The following TMA16 variants were observed in gnomAD, a reference collection of about 807,000 sequenced individuals.
TMA16 encodes translation machinery-associated protein 16.
Under a neutral mutation model 27.1 loss-of-function variants are expected in TMA16, and 26 were observed. The ratio of observed to expected loss-of-function variants is 0.96; its 90% confidence interval spans 0.70 to 1.33. TMA16 has a LOEUF of 1.33. Among genes scored for constraint, TMA16 ranks in the 40% most tolerant of loss-of-function variants. The pLI is 0.00. For synonymous variants in TMA16, 71 were observed against 81.9 expected, an observed-to-expected ratio of 0.87 and a Z score of 0.72; for missense variants, 233 against 241.4, an observed-to-expected ratio of 0.97 and a Z score of 0.23.
chr4:163,500,383 G>A (rs1702738965), intron 1 of TMA16, among the ~76,000 whole-genome samples: 1 of 151,914 alleles, frequency 6.6e-6, no homozygotes, highest in South Asian at 2.1e-4. Context: ...GCTAATTTTT[G>A]TATTTTTAGT....
At chr4:163,519,309 C>T (rs1737930909) in intron 6 of TMA16, 25 bp from the exon 7 acceptor site, 3 of 1,211,478 alleles carry the variant, frequency 2.5e-6, no homozygotes, top group South Asian at 1.6e-5. Flanking sequence ...ACTCTGCACT[C>T]TTTTTTTTTT....
At chr4:163,519,246 CAG>C (rs1257346698) in intron 6 of TMA16, 86 bp from the exon 7 acceptor site, 3 of 1,247,534 alleles carry the variant, frequency 2.4e-6, no homozygotes, top group Middle Eastern at 2.7e-4. Context: ...GTAGGATCCT[CAG>C]AGTTTCGAAA....
intron 2 of TMA16, among the ~76,000 whole-genome samples, chr4:163,508,465 T>C (rs1409138425): frequency 6.6e-6 from 1 of 152,192 alleles, no homozygotes; most frequent in Non-Finnish European, 1.5e-5. Flanking sequence ...ATTTTTTCTC[T>C]CTTAAAATCA....
intron 1 of TMA16, 127 bp downstream of exon 1, chr4:163,494,931 A>G: frequency 7.1e-7 from 1 of 1,400,416 alleles, no homozygotes; most frequent in Non-Finnish European, 9.9e-7. Context: ...GTTTATTTTC[A>G]GGGAGTGTGC....
intron 1 of TMA16, among the ~76,000 whole-genome samples, chr4:163,502,633 G>A (rs548918362): frequency 3.2e-4 from 48 of 152,230 alleles, no homozygotes; most frequent in East Asian, 2.3e-3. Context: ...AGTGGTCTTC[G>A]AAGATTGGGT....
At chr4:163,504,481 G>A (rs998013454) in intron 1 of TMA16, among the ~76,000 whole-genome samples, 19 of 151,982 alleles carry the variant, frequency 1.3e-4, no homozygotes, top group African/African-American at 4.3e-4. Context: ...GCACAGCTGC[G>A]GAGAGTCTAC....
rs113693545 is a variant in TMA16, at chr4:163,511,659, TAA to T, written c.117-1148_117-1147del. Reference sequence around the variant, plus strand: ...GACTCTGTCTCTACAAAAATAAAAGTAAAAAAAAAAAAAAAAGTAGCCAGGCA... The same window carrying T: ...GACTCTGTCTCTACAAAAATAAAAGTAAAAAAAAAAAAAAGTAGCCAGGCA... On this transcript the variant is annotated intron_variant, in intron 2 of 6. Coordinates refer to ENST00000358572, the MANE Select transcript of TMA16 (RefSeq NM_018352.3). Among the ~76,000 whole-genome samples, 248 of 120,938 alleles carry T rather than the reference TAA, an allele frequency of 2.1e-3. 1 individual carries two copies. The highest frequency in any genetic ancestry group is 6.6e-3 in the African/African-American group (217 of 32,690). The allele number at this position is 120,938 out of a possible 152,430, so 79.3% of individuals were successfully genotyped here.
chr4:163,500,008 T>C (rs1012617503), intron 1 of TMA16, among the ~76,000 whole-genome samples: 13 of 152,144 alleles, frequency 8.5e-5, no homozygotes, highest in African/African-American at 3.1e-4. Context: ...GGAATTTTCT[T>C]TTTTGTGCGT....
rs1001002705 is a variant in TMA16, at chr4:163,518,806, C to T, written c.432-528C>T. ...ACCTTAATTTTATTTTGCCTGTAATCTTAAATATATAAATATGCTCTTTAT... is the reference window on the plus strand; with the variant it reads ...ACCTTAATTTTATTTTGCCTGTAATTTTAAATATATAAATATGCTCTTTAT... On this transcript the variant is annotated intron_variant, in intron 6 of 6. Coordinates refer to ENST00000358572, the MANE Select transcript of TMA16 (RefSeq NM_018352.3). Among the ~76,000 whole-genome samples, 14 of 152,154 alleles carry T rather than the reference C, an allele frequency of 9.2e-5. 1 individual carries two copies. Among genetic ancestry groups the T allele is most frequent in the African/African-American group, 3.4e-4 (14 of 41,528 alleles).
chr4:163,495,748 T>C (rs559383287), intron 1 of TMA16, among the ~76,000 whole-genome samples: 2 of 152,250 alleles, frequency 1.3e-5, no homozygotes, highest in Non-Finnish European at 2.9e-5. Context: ...CTCTTTTCAT[T>C]GTATGCCATT....
rs534363323 is a variant in TMA16, at chr4:163,494,809, G to C, written c.3+5G>C. ...GGCCACGAGGACGTCACCATGGTGG[G>C]CCCCCTCCTGCTCCCCCGAACCGCT... On this transcript the variant is annotated splice_donor_5th_base_variant and intron_variant, in intron 1 of 6. Transcript: ENST00000358572. The C allele has an allele frequency of 6.2e-7, 1 of 1,611,848 alleles. No individual in the cohort carries two copies. The highest frequency in any genetic ancestry group is 1.1e-5 in the South Asian group (1 of 91,082).
At chr4:163,505,682 A>T (rs1325914678) in intron 1 of TMA16, among the ~76,000 whole-genome samples, 2 of 152,172 alleles carry the variant, frequency 1.3e-5, no homozygotes, top group African/African-American at 2.4e-5. Context: ...ATGGTGGAGA[A>T]GCAGGTTGGG....
chr4:163,515,827 T>A (rs997946842), intron 5 of TMA16: 3 of 163,632 alleles, frequency 1.8e-5, no homozygotes, highest in Non-Finnish European at 4.0e-5. Flanking sequence ...ACTTGACATG[T>A]CATGAAACAA....
intron 5 of TMA16, 168 bp from the exon 6 acceptor site, chr4:163,517,266 A>C (rs1002209131): frequency 1.6e-6 from 1 of 623,226 alleles, no homozygotes; most frequent in African/African-American, 1.9e-5. Context: ...ATTTTTCTTA[A>C]GTCATCTTAA....
At position 163,494,714 on chromosome 4, in the gene TMA16, G is replaced by A. The variant is rs527544425; in HGVS notation, c.-88G>A. Reference sequence around the variant, plus strand: ...CAGGCGCCACGTGGGATTCGGCCCGGGTGCTCTTGTGAGCTGCTGCTCCTG... The same window carrying A: ...CAGGCGCCACGTGGGATTCGGCCCGAGTGCTCTTGTGAGCTGCTGCTCCTG... On this transcript the variant is annotated 5_prime_UTR_variant, in exon 1 of 7. Coordinates refer to ENST00000358572, the MANE Select transcript of TMA16 (RefSeq NM_018352.3). 4.0e-5 allele frequency: 63 copies of A among 1,589,652 alleles called. 1 individual carries two copies. The South Asian group carries it at 6.7e-4, about 17-fold the overall frequency.
intron 2 of TMA16, among the ~76,000 whole-genome samples, chr4:163,511,708 C>T (rs1737801388): frequency 6.6e-6 from 1 of 151,372 alleles, no homozygotes; most frequent in South Asian, 2.1e-4. Context: ...AACAGTAGTC[C>T]TAACTACATG....
Position 163,520,027 on chromosome 4 carries a change from T to TCAAA in TMA16, c.*513_*514insCAAA, listed in dbSNP as rs1737947012. ...GAAGTTTGTATACATTTCTGGATTA[T>TCAAA]AGATTATTATTTATCTTTTGAACCA... On this transcript the variant is annotated 3_prime_UTR_variant, in exon 7 of 7. Transcript: ENST00000358572. 1 of 609,622 alleles carries TCAAA rather than the reference T, an allele frequency of 1.6e-6. No homozygotes were observed. The highest frequency in any genetic ancestry group is 1.9e-5 in the African/African-American group (1 of 53,960). The allele number at this position is 609,622 out of a possible 1,614,324, so 37.8% of individuals were successfully genotyped here.
At chr4:163,505,537 G>C (rs1737707946) in intron 1 of TMA16, among the ~76,000 whole-genome samples, 2 of 152,218 alleles carry the variant, frequency 1.3e-5, no homozygotes, top group South Asian at 4.1e-4. Flanking sequence ...CAAAGGGCAA[G>C]TAAAGTATTT....
At chr4:163,497,272 T>G (rs1737567264) in intron 1 of TMA16, among the ~76,000 whole-genome samples, 1 of 152,230 alleles carries the variant, frequency 6.6e-6, no homozygotes. Context: ...TCCTGAAAGT[T>G]AGTAAAACTA....
Sources: allele counts gnomAD v4.1 joint callset (sites outside exome capture counted in the v4.1 genomes callset), GRCh38; gene constraint gnomAD v4.1.1; transcripts MANE v1.5; gene names NCBI Gene and HGNC (gene_info 2026-07-23, HGNC 2026-07-21).